The following FBLN7 variants were observed in gnomAD, a reference collection of about 807,000 sequenced individuals.
FBLN7 encodes the protein fibulin 7, also known as fibulin-7.
In FBLN7, 31 loss-of-function variants were observed where a neutral mutation model predicts 44.0. The observed-to-expected ratio is 0.70, with a 90% CI of 0.53 to 0.95. The LOEUF (loss-of-function observed/expected upper bound fraction) is 0.95. FBLN7 is among the 40% of genes least tolerant of loss of function. The pLI is 0.00. For synonymous variants in FBLN7, 262 were observed against 253.4 expected, an observed-to-expected ratio of 1.03 and a Z score of -0.32; for missense variants, 573 against 618.5, an observed-to-expected ratio of 0.93 and a Z score of 0.78.
chr2:112,158,775 AT>A (rs1459295393), intron 1 of FBLN7, among the ~76,000 whole-genome samples: 1 of 151,974 alleles, frequency 6.6e-6, no homozygotes, highest in Non-Finnish European at 1.5e-5. Flanking sequence ...AGGTCTCACT[AT>A]ATTGCACAGG....
At chr2:112,221,375 G>A in the FBLN7 span, among the ~76,000 whole-genome samples, 22 of 152,080 alleles carry the variant, frequency 1.4e-4, no homozygotes, top group African/African-American at 5.1e-4. Flanking sequence ...CTGGCCATGC[G>A]ACATGCTGGC....
At chr2:112,167,396 G>A (rs10197919) in intron 3 of FBLN7, among the ~76,000 whole-genome samples, 46,865 of 151,884 alleles carry the variant, frequency 0.31, 8,411 homozygotes, top group Middle Eastern at 0.56. Context: ...CTAGTGGCTC[G>A]CCAAGAATGC....
At chr2:112,198,389 C>T in the FBLN7 span, among the ~76,000 whole-genome samples, 1 of 152,096 alleles carries the variant, frequency 6.6e-6, no homozygotes, top group South Asian at 2.1e-4. Context: ...ATAATCCCAG[C>T]ACTTTGGGAG....
At chr2:112,169,764 C>T (rs181057520) in intron 3 of FBLN7, among the ~76,000 whole-genome samples, 162 of 152,160 alleles carry the variant, frequency 1.1e-3, no homozygotes, top group African/African-American at 3.6e-3. Flanking sequence ...CCAAGGGAAG[C>T]GAGCTGACGT....
At chr2:112,197,274 C>CACACACACACACAG in the FBLN7 span, among the ~76,000 whole-genome samples, 1,035 of 98,478 alleles carry the variant, frequency 0.011, 10 homozygotes, top group Non-Finnish European at 0.016. Flanking sequence ...CACACACACA[C>CACACACACACACAG]AGAGAGAGAG....
intron 2 of FBLN7, among the ~76,000 whole-genome samples, chr2:112,163,725 G>GGCTGCTTCCTGCCTGGGCTCAA (rs755605008): frequency 0.023 from 3,494 of 152,296 alleles, 52 homozygotes; most frequent in Middle Eastern, 0.041. Flanking sequence ...TGCTGAGAGA[G>GGCTGCTTCCTGCCTGGGCTCAA]ACCTCCAGAG....
At chr2:112,191,519 T>A (rs1161088842), downstream of FBLN7, among the ~76,000 whole-genome samples, 1 of 152,146 alleles carries the variant, frequency 6.6e-6, no homozygotes, top group Non-Finnish European at 1.5e-5. Flanking sequence ...CTATCTGCTC[T>A]CTTTCTCTCA....
At position 112,150,694 on chromosome 2, in the gene FBLN7, C is replaced by T. The variant is rs191406348; in HGVS notation, c.76-8982C>T. Among the ~76,000 whole-genome samples, 20 of 152,256 alleles carry T rather than the reference C, an allele frequency of 1.3e-4. 1 individual carries two copies. In the East Asian group the frequency reaches 3.9e-3, roughly 29 times the overall value. ...ACTGATCTGGGGCAAGTTCCTGCCC[C>T]TTGTGAATCAGTTTCTTCCTCTGAA... On this transcript the variant is annotated intron_variant, in intron 1 of 7. Transcript: ENST00000331203.
the FBLN7 span, among the ~76,000 whole-genome samples, chr2:112,197,266 CACACACACAGAGAGAGAGAG>C: frequency 7.7e-6 from 1 of 130,094 alleles, no homozygotes; most frequent in African/African-American, 3.1e-5. Flanking sequence ...CACACACACA[CACACACACAGAGAGAGAGAG>C]AGAGAGAGAG....
At chr2:112,232,495 T>C in the FBLN7 span, among the ~76,000 whole-genome samples, 1 of 152,086 alleles carries the variant, frequency 6.6e-6, no homozygotes, top group Non-Finnish European at 1.5e-5. Context: ...ATTCTTATAA[T>C]AGAGTACAGG....
chr2:112,153,672 G>A (rs1467540239), intron 1 of FBLN7, among the ~76,000 whole-genome samples: 3 of 152,204 alleles, frequency 2.0e-5, no homozygotes, highest in Non-Finnish European at 4.4e-5. Flanking sequence ...TGAGCCGGGG[G>A]ACACACACCC....
chr2:112,219,479 A>C, the FBLN7 span, among the ~76,000 whole-genome samples: 1 of 152,190 alleles, frequency 6.6e-6, no homozygotes, highest in East Asian at 1.9e-4. Context: ...TATAAAGCTC[A>C]TAGAGGAAAA....
chr2:112,182,645 G>T, intron 5 of FBLN7, 146 bp from the exon 6 acceptor site: 4 of 907,720 alleles, frequency 4.4e-6, no homozygotes, highest in Non-Finnish European at 6.5e-6. Flanking sequence ...GCTCTGCTGG[G>T]GGTAGGGCAT....
the FBLN7 span, chr2:112,233,235 C>G: frequency 7.7e-7 from 1 of 1,290,870 alleles, no homozygotes; most frequent in Non-Finnish European, 1.1e-6. Context: ...TTTATAAAGT[C>G]ACCATATCTT....
intron 1 of FBLN7, among the ~76,000 whole-genome samples, chr2:112,147,240 C>T (rs137968934): frequency 6.6e-6 from 1 of 152,192 alleles, no homozygotes; most frequent in African/African-American, 2.4e-5. Flanking sequence ...TTTAGGTTGG[C>T]AATTTTTCTT....
chr2:112,209,186 C>T, the FBLN7 span, among the ~76,000 whole-genome samples: 4 of 152,188 alleles, frequency 2.6e-5, no homozygotes, highest in Non-Finnish European at 5.9e-5. Flanking sequence ...AAATGTCACA[C>T]AGCTTAAAAA....
the FBLN7 span, chr2:112,215,093 A>G: frequency 6.6e-6 from 1 of 152,120 alleles, no homozygotes; most frequent in Non-Finnish European, 1.5e-5. Context: ...GTATCAAACT[A>G]TTATACATGA....
At chr2:112,183,891 AACC>A (rs1266857639) in intron 6 of FBLN7, among the ~76,000 whole-genome samples, 3 of 152,132 alleles carry the variant, frequency 2.0e-5, no homozygotes, top group Non-Finnish European at 4.4e-5. Flanking sequence ...AGAGGCTGAG[AACC>A]CTCGCAACAG....
chr2:112,148,984 G>A (rs1343487329), intron 1 of FBLN7, among the ~76,000 whole-genome samples: 1 of 152,222 alleles, frequency 6.6e-6, no homozygotes, highest in Non-Finnish European at 1.5e-5. Context: ...CAGGGAGGAA[G>A]ACCTGGGGTG....
Sources: allele counts gnomAD v4.1 joint callset (sites outside exome capture counted in the v4.1 genomes callset), GRCh38; gene constraint gnomAD v4.1.1; transcripts MANE v1.5; gene names NCBI Gene and HGNC (gene_info 2026-07-23, HGNC 2026-07-21).